The following GALNT7 variants were observed in gnomAD, a reference collection of about 807,000 sequenced individuals.
GALNT7 encodes polypeptide N-acetylgalactosaminyltransferase 7, also known as N-acetylgalactosaminyltransferase 7.
Under a neutral mutation model 82.1 loss-of-function variants are expected in GALNT7, and 60 were observed. That is an observed-to-expected ratio of 0.73 (90% confidence interval 0.59 to 0.91). The LOEUF is 0.91. GALNT7 is among the 40% of genes least tolerant of loss of function. The pLI is 0.00. For synonymous variants in GALNT7, 243 were observed against 275.1 expected (o/e 0.88, Z 1.15); for missense variants, 660 against 804.2 (o/e 0.82, Z 2.17).
intron 2 of GALNT7, among the ~76,000 whole-genome samples, chr4:173,273,809 C>G (rs1735810263): frequency 6.6e-6 from 1 of 152,010 alleles, no homozygotes; most frequent in Admixed American, 6.5e-5. Flanking sequence ...CTGTTTTATT[C>G]TGTGTGTCTT....
chr4:173,317,805 C>T, intron 10 of GALNT7, 73 bp downstream of exon 10: 1 of 911,238 alleles, frequency 1.1e-6, no homozygotes, highest in South Asian at 1.4e-5. Flanking sequence ...ACAGAGTGAT[C>T]TTTGTACTTT....
chr4:173,304,340 A>T (rs1012553132), intron 8 of GALNT7, among the ~76,000 whole-genome samples: 1 of 152,024 alleles, frequency 6.6e-6, no homozygotes, highest in Non-Finnish European at 1.5e-5. Context: ...TCAAGGCTGC[A>T]GTGAGCTATG....
intron 1 of GALNT7, among the ~76,000 whole-genome samples, chr4:173,193,852 G>T (rs1452236935): frequency 6.6e-6 from 1 of 151,996 alleles, no homozygotes; most frequent in Non-Finnish European, 1.5e-5. Flanking sequence ...TATTAGGGAG[G>T]CATCCGAGTG....
intron 10 of GALNT7, 115 bp downstream of exon 10, chr4:173,317,847 ATAAAG>A (rs1349408195): frequency 2.8e-5 from 19 of 668,938 alleles, no homozygotes; most frequent in Non-Finnish European, 4.8e-5. Context: ...GTTTGTTTTG[ATAAAG>A]TAAAACATTC....
intron 1 of GALNT7, among the ~76,000 whole-genome samples, chr4:173,183,922 C>T (rs1221497905): frequency 6.6e-5 from 10 of 150,596 alleles, no homozygotes; most frequent in East Asian, 5.9e-4. Flanking sequence ...ACTTCTCAGA[C>T]GGGGCGGCCA....
chr4:173,297,692 C>A, intron 5 of GALNT7: 1 of 524,300 alleles, frequency 1.9e-6, no homozygotes. Context: ...TTAAAGTCCC[C>A]TAGTGCACAA....
intron 8 of GALNT7, 28 bp from the exon 9 acceptor site, chr4:173,313,930 T>C (rs765334940): frequency 2.8e-6 from 2 of 707,150 alleles, no homozygotes; most frequent in Non-Finnish European, 4.2e-6. Context: ...TTTATAACGA[T>C]ATATATATAT....
At chr4:173,190,245 T>G (rs1283711453) in intron 1 of GALNT7, among the ~76,000 whole-genome samples, 1 of 152,206 alleles carries the variant, frequency 6.6e-6, no homozygotes, top group Non-Finnish European at 1.5e-5. Context: ...ATGTCCACAT[T>G]GCAGCAGTAG....
intron 2 of GALNT7, among the ~76,000 whole-genome samples, chr4:173,273,907 T>G (rs1735813502): frequency 6.6e-6 from 1 of 152,208 alleles, no homozygotes; most frequent in Non-Finnish European, 1.5e-5. Context: ...GCTCAGACTG[T>G]TAAGTTATCT....
chr4:173,321,209 C>G (rs1446161683), intron 11 of GALNT7, among the ~76,000 whole-genome samples: 1 of 151,998 alleles, frequency 6.6e-6, no homozygotes, highest in African/African-American at 2.4e-5. Flanking sequence ...TCCTTAGTGA[C>G]TGGTATGTGA....
At position 173,185,460 on chromosome 4, in the gene GALNT7, G is replaced by A. The variant is rs528694635; in HGVS notation, c.126+16499G>A. On this transcript the variant is annotated intron_variant, in intron 1 of 11. Transcript: ENST00000265000. ...AATTCCTTTTGGGGAAAAGAAGCTAGTATAATTTAGGGTTTTAATTACTAT... is the reference window on the plus strand; with the variant it reads ...AATTCCTTTTGGGGAAAAGAAGCTAATATAATTTAGGGTTTTAATTACTAT... 1.0e-3 allele frequency among the ~76,000 whole-genome samples: 158 copies of A among 151,046 alleles called. No individual in the cohort carries two copies. In the Middle Eastern group the frequency reaches 0.014, roughly 13 times the overall value.
chr4:173,218,391 T>C (rs946094501), intron 1 of GALNT7, among the ~76,000 whole-genome samples: 1 of 152,190 alleles, frequency 6.6e-6, no homozygotes, highest in African/African-American at 2.4e-5. Context: ...AAAGCTCTTA[T>C]AGTAAATTTG....
intron 2 of GALNT7, among the ~76,000 whole-genome samples, chr4:173,276,816 T>A (rs903252963): frequency 6.7e-6 from 1 of 148,476 alleles, no homozygotes; most frequent in Admixed American, 6.6e-5. Context: ...TGCATGAAAA[T>A]TTTTTTTTTC....
chr4:173,298,234 G>A lies in GALNT7; in HGVS notation c.1085G>A (p.Trp362Ter). Residue 362 changes from tryptophan to a stop codon, truncating the protein, a stop_gained, in exon 6 of 12, where the codon TGG (tryptophan) becomes TAG (stop). Coordinates refer to ENST00000265000, the MANE Select transcript of GALNT7 (RefSeq NM_017423.3). LOFTEE classifies it high-confidence loss of function. ...ARGAWDWSML[W>*]KRVPLTPQEK... ...GGAGCATGGGATTGGAGTATGCTCT[G>A]GAAACGGGTGCCTCTGACCCCTCAA... 6.2e-7 allele frequency: 1 copy of A among 1,611,712 alleles called. No homozygotes were observed. Among genetic ancestry groups the A allele is most frequent in the Non-Finnish European group, 8.5e-7 (1 of 1,179,074 alleles).
At chr4:173,244,583 A>G (rs1042373659) in intron 1 of GALNT7, among the ~76,000 whole-genome samples, 3 of 152,194 alleles carry the variant, frequency 2.0e-5, no homozygotes, top group Non-Finnish European at 2.9e-5. Flanking sequence ...TGTCCCATCT[A>G]TAAAATAGAC....
At chr4:173,274,291 A>C (rs1446080192) in intron 2 of GALNT7, among the ~76,000 whole-genome samples, 1 of 152,236 alleles carries the variant, frequency 6.6e-6, no homozygotes, top group Non-Finnish European at 1.5e-5. Context: ...CAGTATTCTT[A>C]ATTTTCCATA....
chr4:173,176,783 G>C (rs1439165377), intron 1 of GALNT7, among the ~76,000 whole-genome samples: 1 of 152,204 alleles, frequency 6.6e-6, no homozygotes, highest in Non-Finnish European at 1.5e-5. Context: ...AATTGGGTTG[G>C]AGAGGGGTGG....
chr4:173,232,183 G>T (rs1734050682), intron 1 of GALNT7, among the ~76,000 whole-genome samples: 1 of 151,976 alleles, frequency 6.6e-6, no homozygotes, highest in South Asian at 2.1e-4. Context: ...TGACTAATGA[G>T]TACAGGGACA....
intron 1 of GALNT7, among the ~76,000 whole-genome samples, chr4:173,208,902 T>A (rs1453466437): frequency 6.6e-6 from 1 of 152,252 alleles, no homozygotes; most frequent in East Asian, 1.9e-4. Flanking sequence ...TTTCTCCAAT[T>A]TAAGATTATG....
Sources: gnomAD v4.1 joint callset for allele counts (sites outside exome capture counted in the v4.1 genomes callset) on GRCh38, gnomAD v4.1.1 for gene constraint, MANE v1.5 for transcripts, NCBI Gene and HGNC (gene_info 2026-07-23, HGNC 2026-07-21) for gene names.